Variants in GPATCH8 observed in about 807,000 individuals in gnomAD.
GPATCH8 encodes the protein G-patch domain containing 8.
A neutral mutation model predicts 118.3 loss-of-function variants in GPATCH8; 18 were observed. The observed-to-expected ratio is 0.15, with a 90% confidence interval of 0.11 to 0.23. GPATCH8 has a LOEUF of 0.23. Ranked by LOEUF, GPATCH8 falls within the 10% of genes least tolerant of loss-of-function variation. The pLI, the probability that GPATCH8 is intolerant of heterozygous loss-of-function variation, is 1.00. For missense variants in GPATCH8, 1,631 were observed against 1,873.8 expected (o/e 0.87, Z 2.39); for synonymous variants, 659 against 684.7 (o/e 0.96, Z 0.59).
Position 44,395,648 on chromosome 17 carries a change from G to A in GPATCH8, c.*1920C>T, listed in dbSNP as rs968001165. ...TTCTGAATCAGATGAGTACTGAACAGGTAGGAGGGTGGGAGGGCAGTCAAG... is the reference window on the plus strand; with the variant it reads ...TTCTGAATCAGATGAGTACTGAACAAGTAGGAGGGTGGGAGGGCAGTCAAG... On this transcript the variant is annotated 3_prime_UTR_variant, in exon 8 of 8. Coordinates refer to ENST00000591680, the MANE Select transcript of GPATCH8 (RefSeq NM_001002909.4). 2.2e-6 allele frequency: 1 copy of A among 454,042 alleles called. No homozygotes were observed. The highest frequency in any genetic ancestry group is 2.0e-5 in the African/African-American group (1 of 50,000). The allele number at this position is 454,042 out of a possible 1,614,324, so 28.1% of individuals were successfully genotyped here.
rs1035947712 is a variant in GPATCH8, at chr17:44,396,427, G to C, written c.*1141C>G. 2.2e-6 allele frequency: 1 copy of C among 454,180 alleles called. No individual in the cohort carries two copies. Among genetic ancestry groups the C allele is most frequent in the Non-Finnish European group, 4.4e-6 (1 of 226,768 alleles). The allele number at this position is 454,180 out of a possible 1,614,324, so 28.1% of individuals were successfully genotyped here. ...ATTAGCTCAAAAATCCCAATACTGG[G>C]GGCACTACATACTGCAAATTACTTA... On this transcript the variant is annotated 3_prime_UTR_variant, in exon 8 of 8. Transcript: ENST00000591680.
At chr17:44,442,077 A>G (rs895423484) in intron 3 of GPATCH8, among the ~76,000 whole-genome samples, 3 of 89,436 alleles carry the variant, frequency 3.4e-5, no homozygotes, top group Non-Finnish European at 5.1e-5. Context: ...ATACACATAT[A>G]TATGTGTGTA....
Position 44,397,346 on chromosome 17 carries a change from G to A in GPATCH8, c.*222C>T. ...TTCCCTAGCTTAGAAACACAGAAGAGGGAGGGACAAATTGAGAGGAGGACA... is the reference window on the plus strand; with the variant it reads ...TTCCCTAGCTTAGAAACACAGAAGAAGGAGGGACAAATTGAGAGGAGGACA... On this transcript the variant is annotated 3_prime_UTR_variant, in exon 8 of 8. Coordinates refer to ENST00000591680, the MANE Select transcript of GPATCH8 (RefSeq NM_001002909.4). 1 of 680,450 alleles carries A rather than the reference G, an allele frequency of 1.5e-6. No individual in the cohort carries two copies. Among genetic ancestry groups the A allele is most frequent in the Non-Finnish European group, 2.7e-6 (1 of 372,004 alleles). The allele number at this position is 680,450 out of a possible 1,614,324, so 42.2% of individuals were successfully genotyped here.
At chr17:44,484,001 C>A (rs1374919524) in intron 1 of GPATCH8, among the ~76,000 whole-genome samples, 1 of 152,136 alleles carries the variant, frequency 6.6e-6, no homozygotes, top group East Asian at 1.9e-4. Context: ...GCCACCACAC[C>A]CAGCTAATTT....
intron 6 of GPATCH8, among the ~76,000 whole-genome samples, chr17:44,413,635 C>T (rs549837076): frequency 6.6e-5 from 10 of 152,120 alleles, no homozygotes; most frequent in East Asian, 5.8e-4. Flanking sequence ...GCCACCACAC[C>T]GGGCTAATTT....
intron 3 of GPATCH8, among the ~76,000 whole-genome samples, chr17:44,440,857 C>T (rs1443044790): frequency 6.6e-6 from 1 of 150,494 alleles, no homozygotes; most frequent in African/African-American, 2.5e-5. Context: ...TTGGGAAACA[C>T]CATTTTTTTT....
chr17:44,470,183 T>C (rs868589630), intron 2 of GPATCH8, among the ~76,000 whole-genome samples: 58 of 152,202 alleles, frequency 3.8e-4, no homozygotes, highest in African/African-American at 1.4e-3. Context: ...GCCTTCTATA[T>C]AGCTTAAAGT....
At chr17:44,491,141 C>G (rs150810898) in intron 1 of GPATCH8, among the ~76,000 whole-genome samples, 1 of 152,124 alleles carries the variant, frequency 6.6e-6, no homozygotes, top group Non-Finnish European at 1.5e-5. Flanking sequence ...AAACACAATA[C>G]GAAACTCTAG....
At chr17:44,453,500 GGTGTGT>G (rs56962134) in intron 3 of GPATCH8, among the ~76,000 whole-genome samples, 1 of 142,702 alleles carries the variant, frequency 7.0e-6, no homozygotes, top group East Asian at 2.1e-4. Flanking sequence ...GGTAGGTAGG[GGTGTGT>G]GTGTGTGTGT....
At chr17:44,450,384 G>C (rs906178223) in intron 3 of GPATCH8, among the ~76,000 whole-genome samples, 1 of 152,142 alleles carries the variant, frequency 6.6e-6, no homozygotes, top group Admixed American at 6.5e-5. Flanking sequence ...CACACCACTT[G>C]CTATTGTCTC....
chr17:44,432,707 G>A (rs2050363501), intron 5 of GPATCH8, among the ~76,000 whole-genome samples: 1 of 152,126 alleles, frequency 6.6e-6, no homozygotes, highest in Non-Finnish European at 1.5e-5. Flanking sequence ...CCAAAGTCAT[G>A]TGAAGTTGAA....
At position 44,396,619 on chromosome 17, in the gene GPATCH8, A is replaced by G. The variant is rs2143550964; in HGVS notation, c.*949T>C. The G allele has an allele frequency of 2.3e-6, 1 of 442,630 alleles. No individual in the cohort carries two copies. Among genetic ancestry groups the G allele is most frequent in the Admixed American group, 2.5e-5 (1 of 39,276 alleles). 27.4% of individuals were successfully genotyped at this position (442,630 alleles called of 1,614,324 possible). A position where few individuals can be genotyped will look rare whatever the true frequency, so the allele number is the denominator to read the frequency against. The stretch of plus-strand genomic sequence containing the variant: ...ACCTTTAGAGTTTCTTAATTCAACT[A>G]GGGCAAACATATTTACACAAAGCCA... On this transcript the variant is annotated 3_prime_UTR_variant, in exon 8 of 8. Coordinates refer to ENST00000591680, the MANE Select transcript of GPATCH8 (RefSeq NM_001002909.4).
Position 44,398,212 on chromosome 17 carries a change from G to C in GPATCH8, c.3865C>G (p.Pro1289Ala). Reference protein sequence around the residue: ...FPSYAPPSGDPSIESTDGAED... With the variant: ...FPSYAPPSGDASIESTDGAED... Reference sequence around the variant, plus strand: ...GCCCCATCTGTTGACTCAATACTAGGATCCCCACTGGGAGGTGCATAACTG... The same window carrying C: ...GCCCCATCTGTTGACTCAATACTAGCATCCCCACTGGGAGGTGCATAACTG... The change falls in exon 8 of 8, where the codon CCT becomes GCT. Residue 1289 changes from proline (P) to alanine (A), a missense_variant. This residue lies in a region of GPATCH8 where 922 missense variants were observed against 879.7 expected (regional missense o/e 1.05). Coordinates refer to ENST00000591680, the MANE Select transcript of GPATCH8 (RefSeq NM_001002909.4). 6.2e-7 allele frequency: 1 copy of C among 1,613,456 alleles called. No individual in the cohort carries two copies. Among genetic ancestry groups the C allele is most frequent in the Non-Finnish European group, 8.5e-7 (1 of 1,179,596 alleles).
At chr17:44,433,507 G>A (rs1417532696) in intron 5 of GPATCH8, among the ~76,000 whole-genome samples, 1 of 152,220 alleles carries the variant, frequency 6.6e-6, no homozygotes, top group Non-Finnish European at 1.5e-5. Flanking sequence ...AAGAGAGGTT[G>A]TTGCAAGAGA....
chr17:44,477,367 G>A lies in GPATCH8; in HGVS notation c.46-2464C>T, dbSNP rs998738915. On this transcript the variant is annotated intron_variant, in intron 1 of 7. Transcript: ENST00000591680. Reference sequence around the variant, plus strand: ...GAACAAGATGGTGGTGGTGGTAGTCGTACAATATTGTTAATGTACTTAATG... The same window carrying A: ...GAACAAGATGGTGGTGGTGGTAGTCATACAATATTGTTAATGTACTTAATG... Among the ~76,000 whole-genome samples, 71 of 152,050 alleles carry A rather than the reference G, an allele frequency of 4.7e-4. 1 individual carries two copies. The highest frequency in any genetic ancestry group is 4.1e-4 in the South Asian group (2 of 4,830).
At position 44,427,946 on chromosome 17, in the gene GPATCH8, T is replaced by C. The variant is rs569562105; in HGVS notation, c.349-3454A>G. 4.6e-5 allele frequency among the ~76,000 whole-genome samples: 7 copies of C among 152,270 alleles called. No individual in the cohort carries two copies. The South Asian group carries it at 1.2e-3, about 27-fold the overall frequency. ...ATCCATCCATCCATGTATCCATCCA[T>C]CCATCCATTTATTTCCCACTTTGAG... On this transcript the variant is annotated intron_variant, in intron 5 of 7. Coordinates refer to ENST00000591680, the MANE Select transcript of GPATCH8 (RefSeq NM_001002909.4).
chr17:44,419,380 T>C (rs1357350691), intron 6 of GPATCH8, among the ~76,000 whole-genome samples: 2 of 152,240 alleles, frequency 1.3e-5, no homozygotes, highest in Admixed American at 1.3e-4. Flanking sequence ...GGTCCATTTG[T>C]ATGTTAAGTT....
At chr17:44,432,771 T>C (rs1448261509) in intron 5 of GPATCH8, among the ~76,000 whole-genome samples, 1 of 152,112 alleles carries the variant, frequency 6.6e-6, no homozygotes, top group Non-Finnish European at 1.5e-5. Flanking sequence ...AAGACCATGG[T>C]CAGATAATAG....
chr17:44,399,947 C>T lies in GPATCH8; in HGVS notation c.2130G>A (p.Lys710=), dbSNP rs1191320835. 3.7e-6 allele frequency: 6 copies of T among 1,614,010 alleles called. No individual in the cohort carries two copies. The Admixed American group carries it at 6.7e-5, about 18-fold the overall frequency. The change falls in exon 8 of 8, where the codon AAG becomes AAA. Residue 710 remains lysine (K), a synonymous_variant. Coordinates refer to ENST00000591680, the MANE Select transcript of GPATCH8 (RefSeq NM_001002909.4). ...SKAESGEKSK[K]RKKRKRKKNK... ...TCTTCTTTCGTTTTCGTTTCTTGCG[C>T]TTCTTAGATTTCTCCCCTGACTCTG...
Sources: allele counts gnomAD v4.1 joint callset (sites outside exome capture counted in the v4.1 genomes callset), GRCh38; gene constraint gnomAD v4.1.1; regional missense constraint gnomAD v4.1.1; transcripts MANE v1.5; gene names NCBI Gene and HGNC (gene_info 2026-07-23, HGNC 2026-07-21).